Variants in ESR1 observed in about 807,000 individuals in gnomAD.
The protein encoded by ESR1 is estrogen receptor.
A neutral mutation model predicts 52.7 loss-of-function variants in ESR1; 12 were observed. The ratio of observed to expected loss-of-function variants is 0.23; its 90% CI spans 0.15 to 0.37. The LOEUF (loss-of-function observed/expected upper bound fraction) is 0.37. Ranked by LOEUF, ESR1 falls within the 10% of genes least tolerant of loss-of-function variation. ESR1 has a pLI of 1.00. For synonymous variants in ESR1, 305 were observed against 316.8 expected (o/e 0.96, Z 0.39); for missense variants, 584 against 779.7 (o/e 0.75, Z 2.99).
At chr6:151,848,533 C>T (rs1785630164) in intron 2 of ESR1, among the ~76,000 whole-genome samples, 2 of 151,160 alleles carry the variant, frequency 1.3e-5, no homozygotes, top group South Asian at 4.2e-4. Context: ...GGCTTGGGGA[C>T]TCACTCTTGT....
intron 1 of ESR1, among the ~76,000 whole-genome samples, chr6:151,826,802 A>C (rs1314105585): frequency 6.6e-6 from 1 of 152,228 alleles, no homozygotes; most frequent in Non-Finnish European, 1.5e-5. Context: ...CTGGGAATAG[A>C]TCAGTGAACT....
At chr6:151,962,404 C>T (rs555607461) in intron 4 of ESR1, among the ~76,000 whole-genome samples, 2 of 152,320 alleles carry the variant, frequency 1.3e-5, no homozygotes, top group East Asian at 3.9e-4. Flanking sequence ...GTTTTCCACT[C>T]TGCCATCCCC....
chr6:151,789,667 C>T (rs2128130381), intron 2 of ESR1, among the ~76,000 whole-genome samples: 2 of 152,284 alleles, frequency 1.3e-5, no homozygotes, highest in Non-Finnish European at 2.9e-5. Flanking sequence ...ACTTTCTGGT[C>T]ATTTCTAAGT....
chr6:151,959,850 T>C (rs1164508075), intron 4 of ESR1, among the ~76,000 whole-genome samples: 2 of 152,212 alleles, frequency 1.3e-5, no homozygotes, highest in Admixed American at 1.3e-4. Context: ...AAATAATTAC[T>C]CCTGTTGAGA....
At chr6:151,807,678 C>T (rs1348319878), upstream of ESR1, 2 of 603,692 alleles carry the variant, frequency 3.3e-6, no homozygotes, top group African/African-American at 3.7e-5. Context: ...CCCGGGAGCC[C>T]AGGAGCTGGC....
At chr6:152,075,194 T>C (rs2048642207) in intron 6 of ESR1, among the ~76,000 whole-genome samples, 1 of 152,194 alleles carries the variant, frequency 6.6e-6, no homozygotes, top group Admixed American at 6.5e-5. Context: ...CCGCAACATT[T>C]CTCTTGCTTT....
rs759475614 is a variant in ESR1 at position 152,098,819 on chromosome 6, C to T, written c.1641C>T (p.His547=). 2 of 1,614,186 alleles carry T rather than the reference C, an allele frequency of 1.2e-6. No individual in the cohort carries two copies. The highest frequency in any genetic ancestry group is 1.3e-5 in the African/African-American group (1 of 75,046). Residue 547 remains histidine (H), a synonymous_variant, in exon 8 of 8, where the codon CAC becomes CAT. Coordinates refer to ENST00000206249, the MANE Select transcript of ESR1 (RefSeq NM_000125.4). This position sits in a 1 kb window ranked among gnomAD's most constrained non-coding sequence, Gnocchi z 5.1. ...YDLLLEMLDA[H]RLHAPTSRGG... ...TGCTGCTGGAGATGCTGGACGCCCA[C>T]CGCCTACATGCGCCCACTAGCCGTG...
chr6:151,675,707 T>C (rs1268051169), intron 1 of ESR1, among the ~76,000 whole-genome samples: 2 of 152,220 alleles, frequency 1.3e-5, no homozygotes, highest in Non-Finnish European at 2.9e-5. Context: ...AAAAATAAAG[T>C]GCTTCCCCTA....
intron 4 of ESR1, among the ~76,000 whole-genome samples, chr6:152,005,482 T>A (rs2128754716): frequency 6.6e-6 from 1 of 152,168 alleles, no homozygotes; most frequent in South Asian, 2.1e-4. Flanking sequence ...TTTGAAGTTA[T>A]AAACCTAAAA....
At chr6:151,708,730 G>A (rs1217431434) in intron 2 of ESR1, among the ~76,000 whole-genome samples, 1 of 151,888 alleles carries the variant, frequency 6.6e-6, no homozygotes, top group Non-Finnish European at 1.5e-5. Context: ...GGATATCCTT[G>A]ACCTATTTCT....
At chr6:151,750,877 T>G (rs901000239) in intron 2 of ESR1, among the ~76,000 whole-genome samples, 2 of 152,232 alleles carry the variant, frequency 1.3e-5, no homozygotes, top group Non-Finnish European at 2.9e-5. Context: ...TTCTGTAAGC[T>G]TTTGTTTCAG....
At chr6:151,802,043 G>T (rs1777301408), upstream of ESR1, among the ~76,000 whole-genome samples, 1 of 152,214 alleles carries the variant, frequency 6.6e-6, no homozygotes, top group South Asian at 2.1e-4. Context: ...TTTCTGGGGT[G>T]ATGGAAATAC....
intron 6 of ESR1, among the ~76,000 whole-genome samples, chr6:152,068,611 T>C (rs1288536460): frequency 1.3e-5 from 2 of 152,246 alleles, no homozygotes; most frequent in African/African-American, 2.4e-5. Flanking sequence ...CTGATATTAA[T>C]GTCTTCATGT....
chr6:152,041,698 G>C (rs2045814121), intron 5 of ESR1, among the ~76,000 whole-genome samples: 1 of 152,218 alleles, frequency 6.6e-6, no homozygotes, highest in Non-Finnish European at 1.5e-5. Flanking sequence ...ATATCTTGTG[G>C]AAGAGAAAAA....
chr6:151,978,498 A>G (rs1271014909), intron 4 of ESR1, among the ~76,000 whole-genome samples: 1 of 152,184 alleles, frequency 6.6e-6, no homozygotes, highest in Non-Finnish European at 1.5e-5. Context: ...ATTGAAAGAC[A>G]CCAATCCACA....
intron 3 of ESR1, among the ~76,000 whole-genome samples, chr6:151,887,885 C>T (rs1794110403): frequency 6.6e-6 from 1 of 152,058 alleles, no homozygotes; most frequent in Non-Finnish European, 1.5e-5. Context: ...GATAAGTGTC[C>T]AATTTCATTG....
At chr6:151,683,136 A>G (rs1778522182) in intron 1 of ESR1, among the ~76,000 whole-genome samples, 1 of 152,120 alleles carries the variant, frequency 6.6e-6, no homozygotes, top group Non-Finnish European at 1.5e-5. Context: ...CGATGTCATT[A>G]TCTAGTTTTG....
At chr6:151,668,127 GT>G (rs1777893480) in intron 1 of ESR1, among the ~76,000 whole-genome samples, 1 of 152,144 alleles carries the variant, frequency 6.6e-6, no homozygotes, top group Non-Finnish European at 1.5e-5. Flanking sequence ...ATTTCTCGTG[GT>G]TCTGGTGACT....
intron 2 of ESR1, among the ~76,000 whole-genome samples, chr6:151,767,258 GGATAA>G (rs565695764): frequency 4.8e-4 from 73 of 152,226 alleles, no homozygotes; most frequent in Admixed American, 2.0e-3. Flanking sequence ...TGATTACTCA[GGATAA>G]GATAATTGCT....
Sources: allele counts gnomAD v4.1 joint callset (sites outside exome capture counted in the v4.1 genomes callset), GRCh38; gene constraint gnomAD v4.1.1; non-coding constraint Gnocchi (gnomAD v3.1); transcripts MANE v1.5; gene names NCBI Gene and HGNC (gene_info 2026-07-23, HGNC 2026-07-21).